Variants in UBA2 observed in about 807,000 individuals in gnomAD.
The protein encoded by UBA2 is ubiquitin like modifier activating enzyme 2.
In UBA2, 11 loss-of-function variants were observed where a neutral mutation model predicts 77.2. The observed-to-expected ratio is 0.14, with a 90% CI of 0.09 to 0.24. The LOEUF (loss-of-function observed/expected upper bound fraction) is 0.24. UBA2 is among the 10% of genes least tolerant of loss of function. The probability of loss-of-function intolerance (pLI) is 1.00; values close to 1 mark genes in which losing one functional copy is unlikely to be tolerated. For missense variants in UBA2, 487 were observed against 781.7 expected, an observed-to-expected ratio of 0.62 and a Z score of 4.50; for synonymous variants, 278 against 276.7, an observed-to-expected ratio of 1.00 and a Z score of -0.05.
intron 6 of UBA2, among the ~76,000 whole-genome samples, chr19:34,440,337 G>C (rs935648975): frequency 1.3e-4 from 20 of 151,310 alleles, no homozygotes; most frequent in Non-Finnish European, 7.4e-5. Context: ...AAGGAAAATA[G>C]AATGCCTGAA....
intron 10 of UBA2, among the ~76,000 whole-genome samples, chr19:34,453,471 A>T (rs537297068): frequency 1.3e-5 from 2 of 150,422 alleles, no homozygotes; most frequent in Admixed American, 1.3e-4. Flanking sequence ...GGCAAAGGGG[A>T]GTGAAAAAGA....
rs186350930 is a variant in UBA2 at position 34,447,304 on chromosome 19, A to G, written c.771+2183A>G. On this transcript the variant is annotated intron_variant, in intron 8 of 16. Transcript: ENST00000246548. ...AGAGAGGGTTTGCTTTTCCCAGTCCACTGACTCAAATATTAATGTCTTTTG... is the reference window on the plus strand; with the variant it reads ...AGAGAGGGTTTGCTTTTCCCAGTCCGCTGACTCAAATATTAATGTCTTTTG... Among the ~76,000 whole-genome samples, 34 of 152,266 alleles carry G rather than the reference A, an allele frequency of 2.2e-4. No homozygotes were observed. In the East Asian group the frequency reaches 4.8e-3, roughly 22 times the overall value.
At chr19:34,441,152 A>G (rs2075364660) in intron 6 of UBA2, among the ~76,000 whole-genome samples, 1 of 152,104 alleles carries the variant, frequency 6.6e-6, no homozygotes, top group Non-Finnish European at 1.5e-5. Flanking sequence ...AGTTTCTACT[A>G]AAACAGAATA....
chr19:34,446,341 ACT>A (rs1377747663), intron 8 of UBA2, among the ~76,000 whole-genome samples: 1 of 151,424 alleles, frequency 6.6e-6, no homozygotes, highest in Non-Finnish European at 1.5e-5. Flanking sequence ...ATAACCGAAA[ACT>A]CTTTTTCTTT....
intron 7 of UBA2, 70 bp downstream of exon 7, chr19:34,443,981 GCTT>G: frequency 9.2e-7 from 1 of 1,082,616 alleles, no homozygotes; most frequent in Non-Finnish European, 1.4e-6. Flanking sequence ...AATTTTGGTA[GCTT>G]AAGGGAAAAA....
At chr19:34,451,311 C>T (rs763845477) in intron 9 of UBA2, among the ~76,000 whole-genome samples, 13 of 152,120 alleles carry the variant, frequency 8.5e-5, no homozygotes, top group Non-Finnish European at 1.3e-4. Context: ...TAAAAGATCC[C>T]GGGAGACTTG....
chr19:34,440,070 T>A (rs1280634872), intron 6 of UBA2, among the ~76,000 whole-genome samples: 1 of 152,126 alleles, frequency 6.6e-6, no homozygotes, highest in Non-Finnish European at 1.5e-5. Flanking sequence ...AGGCCTGCAA[T>A]CCCAGCACTT....
intron 3 of UBA2, among the ~76,000 whole-genome samples, chr19:34,432,816 A>G (rs1168432633): frequency 6.6e-6 from 1 of 152,174 alleles, no homozygotes; most frequent in Non-Finnish European, 1.5e-5. Flanking sequence ...TGGCCTCCCA[A>G]AGTGCAGGGA....
chr19:34,433,074 T>C (rs2075272919), intron 3 of UBA2, among the ~76,000 whole-genome samples: 1 of 152,212 alleles, frequency 6.6e-6, no homozygotes, highest in Non-Finnish European at 1.5e-5. Flanking sequence ...AAAGAAGGCC[T>C]AGTGGGACTA....
intron 14 of UBA2, among the ~76,000 whole-genome samples, chr19:34,461,137 C>A (rs1282797662): frequency 6.6e-6 from 1 of 152,194 alleles, no homozygotes; most frequent in Non-Finnish European, 1.5e-5. Context: ...TGATCCTATA[C>A]CTCCTTGGTC....
intron 15 of UBA2, 100 bp from the exon 16 acceptor site, chr19:34,466,777 TG>T: frequency 1.2e-6 from 1 of 848,226 alleles, no homozygotes; most frequent in East Asian, 2.6e-5. Context: ...TCCACATATT[TG>T]GTGTATACAT....
At chr19:34,461,321 G>A (rs765166075) in intron 14 of UBA2, among the ~76,000 whole-genome samples, 1 of 152,188 alleles carries the variant, frequency 6.6e-6, no homozygotes. Context: ...TCCTGATGGC[G>A]ATTCAGATGT....
chr19:34,436,342 C>T lies in UBA2; in HGVS notation c.459+1374C>T, dbSNP rs113288724. ...GAGACAGAATTTCGCTCTTGTTGCC[C>T]AGGCTGCAGTGCAGTGGCGCGATCT... On this transcript the variant is annotated intron_variant, in intron 5 of 16. Transcript: ENST00000246548. Among the ~76,000 whole-genome samples, 397 of 152,092 alleles carry T rather than the reference C, an allele frequency of 2.6e-3. 2 individuals carry two copies. The highest frequency in any genetic ancestry group is 9.3e-3 in the African/African-American group (387 of 41,504).
intron 9 of UBA2, among the ~76,000 whole-genome samples, chr19:34,450,728 A>G (rs981714706): frequency 2.8e-5 from 4 of 143,524 alleles, no homozygotes; most frequent in South Asian, 2.3e-4. Flanking sequence ...AAATTGCTAT[A>G]TATTTATGTA....
chr19:34,443,997 T>A, intron 7 of UBA2, 86 bp downstream of exon 7: 2 of 789,028 alleles, frequency 2.5e-6, no homozygotes, highest in Non-Finnish European at 2.2e-6. Flanking sequence ...GGGAAAAAAA[T>A]TGCTATATGT....
In UBA2 at chr19:34,445,021, C is replaced by T. The variant is rs1346010308; in HGVS notation, c.671C>T (p.Ala224Val). Residue 224 changes from alanine (A) to valine (V), a missense_variant, in exon 8 of 17, where the codon GCC (alanine) becomes GTC (valine). Physicochemically the swap from Ala to Val is moderately conservative, Grantham distance 64. Coordinates refer to ENST00000246548, the MANE Select transcript of UBA2 (RefSeq NM_005499.3). ...ATAGGGGAACCAACGGAAGCCGAAGCCAGAGCTAGAGCATCTAATGAAGAT... is the reference window on the plus strand; with the variant it reads ...ATAGGGGAACCAACGGAAGCCGAAGTCAGAGCTAGAGCATCTAATGAAGAT... The part of the protein sequence containing the change: ...EAAWEPTEAE[A>V]RARASNEDGD... 4.3e-6 allele frequency: 7 copies of T among 1,612,286 alleles called. No homozygotes were observed. Among genetic ancestry groups the T allele is most frequent in the Non-Finnish European group, 5.1e-6 (6 of 1,179,450 alleles).
At chr19:34,457,166 TA>T (rs569078000) in intron 12 of UBA2, among the ~76,000 whole-genome samples, 18,844 of 50,952 alleles carry the variant, frequency 0.37, 4,720 homozygotes, top group Admixed American at 0.56. Flanking sequence ...TGGTCTCTAC[TA>T]AAAAAAAAAA....
chr19:34,459,462 G>T (rs749023366), intron 13 of UBA2, among the ~76,000 whole-genome samples: 57 of 152,166 alleles, frequency 3.7e-4, no homozygotes, highest in Non-Finnish European at 6.6e-4. Flanking sequence ...TTGAGGCTAA[G>T]TGGTGGTACA....
intron 6 of UBA2, among the ~76,000 whole-genome samples, chr19:34,440,019 T>G (rs1308101015): frequency 6.6e-6 from 1 of 151,850 alleles, no homozygotes; most frequent in East Asian, 1.9e-4. Flanking sequence ...TCTGGGTAAA[T>G]ACATTTTTAA....
Sources: allele counts gnomAD v4.1 joint callset (sites outside exome capture counted in the v4.1 genomes callset), GRCh38; gene constraint gnomAD v4.1.1; transcripts MANE v1.5; gene names NCBI Gene and HGNC (gene_info 2026-07-23, HGNC 2026-07-21).